The following STIM1 variants were observed in gnomAD, a reference collection of about 807,000 sequenced individuals.
STIM1 encodes the protein stromal interaction molecule 1.
A neutral mutation model predicts 74.7 loss-of-function variants in STIM1; 25 were observed. The ratio of observed to expected loss-of-function variants is 0.33; its 90% CI spans 0.24 to 0.47. STIM1 has a LOEUF of 0.47. Ranked by LOEUF, STIM1 falls within the 20% of genes least tolerant of loss-of-function variation. The pLI, the probability that STIM1 is intolerant of heterozygous loss-of-function variation, is 1.00. For missense variants in STIM1, 728 were observed against 920.8 expected, an observed-to-expected ratio of 0.79 and a Z score of 2.71; for synonymous variants, 328 against 348.8, an observed-to-expected ratio of 0.94 and a Z score of 0.66.
rs936833409 is a variant in STIM1 at position 4,038,412 on chromosome 11, T to TATA, written c.385+14433_385+14435dup. On this transcript the variant is annotated intron_variant, in intron 3 of 12. Transcript: ENST00000526596. ...AGCACATATACCCTAAAACTTAAAG[T>TATA]ATAATAATAAAAAAAAAAAGAAGCT... is the stretch of plus-strand genomic sequence containing the variant. Among the ~76,000 whole-genome samples, 23 of 151,808 alleles carry TATA rather than the reference T, an allele frequency of 1.5e-4. No individual in the cohort carries two copies. In the East Asian group the frequency reaches 2.5e-3, roughly 17 times the overall value.
intron 1 of STIM1, among the ~76,000 whole-genome samples, chr11:3,921,344 CTA>C (rs761658759): frequency 6.6e-6 from 1 of 152,188 alleles, no homozygotes; most frequent in South Asian, 2.1e-4. Flanking sequence ...GGATTAAAAA[CTA>C]TTTGTATTCA....
At chr11:4,064,859 G>T (rs1025979676) in intron 5 of STIM1, among the ~76,000 whole-genome samples, 2 of 152,128 alleles carry the variant, frequency 1.3e-5, no homozygotes, top group Admixed American at 1.3e-4. Flanking sequence ...TCTAGGGCTC[G>T]CCAAACAGTA....
chr11:4,073,726 C>T (rs149556103), intron 6 of STIM1, among the ~76,000 whole-genome samples: 220 of 152,208 alleles, frequency 1.4e-3, no homozygotes, highest in African/African-American at 2.9e-3. Flanking sequence ...ATGTGTGTGA[C>T]GGTGCAAGGG....
intron 2 of STIM1, chr11:3,973,160 C>T (rs1010901732): frequency 4.8e-6 from 2 of 414,806 alleles, no homozygotes; most frequent in Non-Finnish European, 9.5e-6. Context: ...GTTACCAAAT[C>T]CATTATAGCC....
intron 5 of STIM1, among the ~76,000 whole-genome samples, chr11:4,063,621 T>C (rs879306926): frequency 7.9e-5 from 12 of 152,242 alleles, no homozygotes; most frequent in Non-Finnish European, 1.8e-4. Flanking sequence ...ATTAGCTTTA[T>C]TGCAGTGGCC....
At chr11:4,029,806 G>A (rs180992207) in intron 3 of STIM1, among the ~76,000 whole-genome samples, 7 of 152,226 alleles carry the variant, frequency 4.6e-5, no homozygotes, top group African/African-American at 7.2e-5. Flanking sequence ...TACAGGTCAC[G>A]TTTATTTCAT....
intron 1 of STIM1, among the ~76,000 whole-genome samples, chr11:3,862,290 C>T (rs756327620): frequency 2.0e-5 from 3 of 151,974 alleles, no homozygotes; most frequent in Non-Finnish European, 4.4e-5. Context: ...GAGTTTATTT[C>T]GGAGAAGTGA....
chr11:3,958,478 C>T (rs2093244958), intron 1 of STIM1, among the ~76,000 whole-genome samples: 1 of 152,156 alleles, frequency 6.6e-6, no homozygotes, highest in African/African-American at 2.4e-5. Flanking sequence ...AAGAGCTGGT[C>T]CTCTTCTTGG....
intron 9 of STIM1, 30 bp from the exon 10 acceptor site, chr11:4,083,233 T>C (rs921041707): frequency 6.2e-7 from 1 of 1,609,232 alleles, no homozygotes; most frequent in Non-Finnish European, 8.5e-7. Flanking sequence ...ACCAAGTCCA[T>C]GCCTGCAGTT....
At position 4,084,207 on chromosome 11, in the gene STIM1, T is replaced by G. The variant is rs903991903; in HGVS notation, c.1475-466T>G. ...TTCCCTTACTGGCCCACAATTGAAT[T>G]TTTCTTTGGATCAGATGCTATTTTA... On this transcript the variant is annotated intron_variant, in intron 10 of 12. Transcript: ENST00000526596. 6.3e-4 allele frequency among the ~76,000 whole-genome samples: 96 copies of G among 152,330 alleles called. 1 individual carries two copies. Among genetic ancestry groups the G allele is most frequent in the African/African-American group, 2.3e-3 (94 of 41,574 alleles).
At chr11:3,993,984 T>C (rs1030886823) in intron 2 of STIM1, among the ~76,000 whole-genome samples, 6 of 152,236 alleles carry the variant, frequency 3.9e-5, no homozygotes, top group African/African-American at 1.2e-4. Flanking sequence ...GGTACTTTTT[T>C]GTATGGATTC....
At chr11:3,962,606 CCTTT>C (rs1416552583) in intron 1 of STIM1, among the ~76,000 whole-genome samples, 12 of 152,028 alleles carry the variant, frequency 7.9e-5, no homozygotes, top group African/African-American at 2.4e-4. Flanking sequence ...GATTTCTTAT[CCTTT>C]CTTATCCTTT....
intron 1 of STIM1, among the ~76,000 whole-genome samples, chr11:3,858,707 C>T (rs919810526): frequency 2.6e-5 from 4 of 152,222 alleles, no homozygotes; most frequent in Admixed American, 6.5e-5. Flanking sequence ...AGGAGCTTTA[C>T]TTGCTCTTAA....
At chr11:3,912,692 A>G (rs1008545435) in intron 1 of STIM1, among the ~76,000 whole-genome samples, 1 of 152,224 alleles carries the variant, frequency 6.6e-6, no homozygotes, top group Non-Finnish European at 1.5e-5. Context: ...AAGACAAAAT[A>G]TAAAAAAAAC....
At position 3,967,200 on chromosome 11, in the gene STIM1, A is replaced by T. The variant is rs561176915; in HGVS notation, c.140-352A>T. 2.6e-5 allele frequency among the ~76,000 whole-genome samples: 4 copies of T among 152,248 alleles called. No homozygotes were observed. The South Asian group carries it at 8.3e-4, about 32-fold the overall frequency. ...GCTCAATTGAATATGTATTTCTTTG[A>T]TTACTAATGAGGCCAAATTTTTTCC... On this transcript the variant is annotated intron_variant, in intron 1 of 12. Transcript: ENST00000526596.
chr11:4,013,637 TTCTC>T (rs2093862919), intron 2 of STIM1, among the ~76,000 whole-genome samples: 1 of 151,048 alleles, frequency 6.6e-6, no homozygotes, highest in Non-Finnish European at 1.5e-5. Context: ...TGTATGATTC[TTCTC>T]TCTTCTTTGT....
chr11:3,923,112 AAAAC>A (rs2092740355), intron 1 of STIM1, among the ~76,000 whole-genome samples: 1 of 152,022 alleles, frequency 6.6e-6, no homozygotes. Context: ...AAAAAAAAAA[AAAAC>A]AAACACTCTT....
intron 3 of STIM1, among the ~76,000 whole-genome samples, chr11:4,038,957 G>T (rs1212606513): frequency 6.6e-6 from 1 of 152,148 alleles, no homozygotes; most frequent in East Asian, 1.9e-4. Context: ...AATGTTACAA[G>T]TAAATACCTG....
chr11:3,974,364 G>A (rs1303427091), intron 2 of STIM1: 1 of 191,610 alleles, frequency 5.2e-6, no homozygotes, highest in Non-Finnish European at 1.1e-5. Context: ...CTGAGACTCA[G>A]TAGGCATGTT....
Sources: allele counts gnomAD v4.1 joint callset (sites outside exome capture counted in the v4.1 genomes callset), GRCh38; gene constraint gnomAD v4.1.1; transcripts MANE v1.5; gene names NCBI Gene and HGNC (gene_info 2026-07-23, HGNC 2026-07-21).